The following ACAA2 variants were observed in gnomAD, a reference collection of about 807,000 sequenced individuals.
The protein encoded by ACAA2 is acetyl-CoA acyltransferase 2, also known as 3-ketoacyl-CoA thiolase, mitochondrial.
In ACAA2, 35 loss-of-function variants were observed where a neutral mutation model predicts 44.8. The observed-to-expected ratio is 0.78, with a 90% CI of 0.60 to 1.04. The LOEUF (loss-of-function observed/expected upper bound fraction) is 1.04. Among genes scored for constraint, ACAA2 ranks in the 50% least tolerant of loss-of-function variants. The pLI, the probability that ACAA2 is intolerant of heterozygous loss-of-function variation, is 0.00. For missense variants in ACAA2, 468 were observed against 482.6 expected (o/e 0.97, Z 0.28); for synonymous variants, 142 against 166.5 (o/e 0.85, Z 1.13).
rs763658924 is a variant in ACAA2 at position 49,795,781 on chromosome 18, A to C, written c.413T>G (p.Leu138Arg). ...CVRNVRFGTK[L>R]GSDIKLEDSL... is the part of the protein sequence containing the mutation. ...GGTTCCAACCTTGATATCTGATCCA[A>C]GCTTGGTTCCAAAACGCACATTTCT... Residue 138 changes from leucine to arginine, a missense_variant, in exon 4 of 10, where the codon CTT becomes CGT. Leu to Arg is a moderately radical substitution (Grantham distance 102, BLOSUM62 -2). Transcript: ENST00000285093. 3.1e-6 allele frequency: 5 copies of C among 1,607,012 alleles called. No individual in the cohort carries two copies. Among genetic ancestry groups the C allele is most frequent in the Non-Finnish European group, 4.2e-6 (5 of 1,176,538 alleles).
At chr18:49,786,958 T>A (rs1485721198) in intron 8 of ACAA2, among the ~76,000 whole-genome samples, 1 of 152,204 alleles carries the variant, frequency 6.6e-6, no homozygotes, top group Non-Finnish European at 1.5e-5. Flanking sequence ...ATTTTACATA[T>A]ATTTTTTCAC....
chr18:49,813,451 G>T lies in ACAA2; in HGVS notation c.16+18C>A. On this transcript the variant is annotated intron_variant, in intron 1 of 9. Transcript: ENST00000285093. ...AGGACCCCGAGGGGCGAGGAGAGGA[G>T]GAGGGGGCTGCGCTCACCTCGGAGC... 1 of 1,241,194 alleles carries T rather than the reference G, an allele frequency of 8.1e-7. No homozygotes were observed. The allele number at this position is 1,241,194 out of a possible 1,614,324, so 76.9% of individuals were successfully genotyped here.
intron 5 of ACAA2, among the ~76,000 whole-genome samples, chr18:49,793,892 C>G (rs2023434509): frequency 6.6e-6 from 1 of 152,106 alleles, no homozygotes; most frequent in African/African-American, 2.4e-5. Flanking sequence ...ATTACCCCTT[C>G]TTATGATTAT....
At chr18:49,798,178 G>T (rs2023486918) in intron 2 of ACAA2, among the ~76,000 whole-genome samples, 1 of 152,140 alleles carries the variant, frequency 6.6e-6, no homozygotes, top group African/African-American at 2.4e-5. Flanking sequence ...GCTGGAGGTG[G>T]GGCCTGGGCA....
At chr18:49,784,478 A>T (rs2023303743) in intron 9 of ACAA2, among the ~76,000 whole-genome samples, 1 of 152,244 alleles carries the variant, frequency 6.6e-6, no homozygotes, top group South Asian at 2.1e-4. Flanking sequence ...CCTCACTCCT[A>T]ATATGATGAC....
chr18:49,792,001 CT>C, intron 6 of ACAA2, 150 bp downstream of exon 6: 1 of 519,162 alleles, frequency 1.9e-6, no homozygotes, highest in Non-Finnish European at 3.3e-6. Flanking sequence ...TTGTGTGGGT[CT>C]ATGAAAACCT....
chr18:49,792,649 T>C (rs1340985366), intron 5 of ACAA2, among the ~76,000 whole-genome samples: 1 of 152,076 alleles, frequency 6.6e-6, no homozygotes, highest in African/African-American at 2.4e-5. Flanking sequence ...GGTTTCTCCA[T>C]GTTGGCCATG....
At chr18:49,785,117 G>A in intron 9 of ACAA2, 80 bp downstream of exon 9, 2 of 1,494,830 alleles carry the variant, frequency 1.3e-6, no homozygotes, top group Non-Finnish European at 1.8e-6. Flanking sequence ...GAAAAATGTT[G>A]GAGTGTTCTG....
At chr18:49,792,667 C>T (rs928727930) in intron 5 of ACAA2, among the ~76,000 whole-genome samples, 5 of 152,068 alleles carry the variant, frequency 3.3e-5, no homozygotes, top group South Asian at 2.1e-4. Context: ...ATGCTAGCCT[C>T]GAACTCACCA....
At chr18:49,797,666 T>G (rs775298656) in intron 2 of ACAA2, 72 bp from the exon 3 acceptor site, 16 of 1,278,196 alleles carry the variant, frequency 1.3e-5, no homozygotes, top group Non-Finnish European at 1.5e-5. Context: ...ACGAAATACA[T>G]GGAAATGTTG....
At chr18:49,803,832 A>C (rs2023583588) in intron 1 of ACAA2, among the ~76,000 whole-genome samples, 1 of 152,162 alleles carries the variant, frequency 6.6e-6, no homozygotes, top group Non-Finnish European at 1.5e-5. Flanking sequence ...CTCTGCCAGG[A>C]AACTTTCAGT....
chr18:49,788,278 T>C (rs943054829), intron 7 of ACAA2, among the ~76,000 whole-genome samples: 1 of 152,210 alleles, frequency 6.6e-6, no homozygotes, highest in Non-Finnish European at 1.5e-5. Flanking sequence ...AAGAAAAATA[T>C]GTAGTATGTT....
In ACAA2 at chr18:49,795,793, A is replaced by G; in HGVS notation, c.401T>C (p.Phe134Ser). The change falls in exon 4 of 10, where the codon TTT becomes TCT. Residue 134 changes from phenylalanine to serine, a missense_variant. By Grantham distance (155) the Phe-to-Ser change is radical. Transcript: ENST00000285093. ...QAPYCVRNVR[F>S]GTKLGSDIKL... ...GATATCTGATCCAAGCTTGGTTCCA[A>G]AACGCACATTTCTGACACAGTAGGG... 6.2e-7 allele frequency: 1 copy of G among 1,608,936 alleles called. No homozygotes were observed. Among genetic ancestry groups the G allele is most frequent in the Non-Finnish European group, 8.5e-7 (1 of 1,177,720 alleles).
chr18:49,807,762 G>A (rs1261235160), intron 1 of ACAA2, among the ~76,000 whole-genome samples: 1 of 151,616 alleles, frequency 6.6e-6, no homozygotes, highest in Non-Finnish European at 1.5e-5. Context: ...AGCCCAGGAG[G>A]TCAAGGCTAC....
intron 7 of ACAA2, among the ~76,000 whole-genome samples, chr18:49,789,191 T>A (rs1221395480): frequency 6.6e-6 from 1 of 152,138 alleles, no homozygotes; most frequent in African/African-American, 2.4e-5. Context: ...CCCCGTTTTT[T>A]TTTGGTCTGC....
chr18:49,802,858 T>C lies in ACAA2; in HGVS notation c.17-5A>G, dbSNP rs200224931. Reference sequence around the variant, plus strand: ...TAGCAGCAACTACAAACACACCTATTGCAACAAGAAGAGATTTGTAAGCCA... The same window carrying C: ...TAGCAGCAACTACAAACACACCTATCGCAACAAGAAGAGATTTGTAAGCCA... On this transcript the variant is annotated splice_polypyrimidine_tract_variant and splice_region_variant and intron_variant, in intron 1 of 9. Coordinates refer to ENST00000285093, the MANE Select transcript of ACAA2 (RefSeq NM_006111.3). The C allele has an allele frequency of 2.6e-4, 418 of 1,613,922 alleles. 6 individuals are homozygous for C. In the East Asian group the frequency reaches 9.2e-3, roughly 36 times the overall value.
At chr18:49,807,438 G>A (rs1397796808) in intron 1 of ACAA2, among the ~76,000 whole-genome samples, 2 of 152,102 alleles carry the variant, frequency 1.3e-5, no homozygotes, top group Admixed American at 6.5e-5. Flanking sequence ...TAGAACATAC[G>A]AGAAAAATCT....
intron 8 of ACAA2, chr18:49,785,981 A>C (rs1189139719): frequency 6.6e-6 from 1 of 152,352 alleles, no homozygotes; most frequent in African/African-American, 2.4e-5. Context: ...AGAACTGAAA[A>C]GTATATTATG....
At chr18:49,798,059 A>C (rs1166441629) in intron 2 of ACAA2, among the ~76,000 whole-genome samples, 1 of 152,234 alleles carries the variant, frequency 6.6e-6, no homozygotes, top group Non-Finnish European at 1.5e-5. Flanking sequence ...TAACAGAGGA[A>C]GTATCGGAGG....
Sources: gnomAD v4.1 joint callset for allele counts (sites outside exome capture counted in the v4.1 genomes callset) on GRCh38, gnomAD v4.1.1 for gene constraint, MANE v1.5 for transcripts, NCBI Gene and HGNC (gene_info 2026-07-23, HGNC 2026-07-21) for gene names.